The following RPS6KC1 variants were observed in gnomAD, a reference collection of about 807,000 sequenced individuals.
The protein encoded by RPS6KC1 is inactive ribosomal protein S6 kinase delta-1.
In RPS6KC1, 54 loss-of-function variants were observed where a neutral mutation model predicts 103.8. The observed-to-expected ratio is 0.52, with a 90% CI of 0.42 to 0.65. The LOEUF is 0.65. Ranked by LOEUF, RPS6KC1 falls within the 30% of genes least tolerant of loss-of-function variation. The probability of loss-of-function intolerance (pLI) is 0.00; values close to 1 mark genes in which losing one functional copy is unlikely to be tolerated. For missense variants in RPS6KC1, 1,151 were observed against 1,253.8 expected, an observed-to-expected ratio of 0.92 and a Z score of 1.24; for synonymous variants, 439 against 438.7, an observed-to-expected ratio of 1.00 and a Z score of -0.01.
the RPS6KC1 span, among the ~76,000 whole-genome samples, chr1:213,378,655 A>G: frequency 6.6e-6 from 1 of 152,222 alleles, no homozygotes; most frequent in Non-Finnish European, 1.5e-5. Context: ...ACACATATCC[A>G]TATTTTATAT....
At position 213,241,842 on chromosome 1, in the gene RPS6KC1, T is replaced by C. The variant is rs759764646; in HGVS notation, c.2366T>C (p.Met789Thr). The change falls in exon 11 of 15, where the codon ATG (methionine) becomes ACG (threonine). Residue 789 changes from methionine (M) to threonine (T), a missense_variant. Coordinates refer to ENST00000366960, the MANE Select transcript of RPS6KC1 (RefSeq NM_012424.6). ...GTTGATCATAGTAGTTCAGGAGATA[T>C]GTCTTTGTTACCCAGCTCAGATCCT... is the stretch of plus-strand genomic sequence containing the variant. ...AAVDHSSSGDMSLLPSSDPKF... is the reference protein window; with the variant it reads ...AAVDHSSSGDTSLLPSSDPKF... 3.1e-6 allele frequency: 5 copies of C among 1,613,918 alleles called. No individual in the cohort carries two copies. Among genetic ancestry groups the C allele is most frequent in the Non-Finnish European group, 4.2e-6 (5 of 1,179,948 alleles).
At chr1:213,145,628 A>G (rs1433736661) in intron 6 of RPS6KC1, among the ~76,000 whole-genome samples, 1 of 152,150 alleles carries the variant, frequency 6.6e-6, no homozygotes, top group African/African-American at 2.4e-5. Context: ...ATCATGTGGC[A>G]TTAGGTAGAA....
intron 5 of RPS6KC1, among the ~76,000 whole-genome samples, chr1:213,119,500 G>A (rs1471735168): frequency 1.8e-5 from 2 of 111,962 alleles, no homozygotes; most frequent in Non-Finnish European, 3.6e-5. Flanking sequence ...ATATATATAT[G>A]AGAGTATTCA....
the RPS6KC1 span, among the ~76,000 whole-genome samples, chr1:213,805,378 C>T: frequency 1.3e-5 from 2 of 151,586 alleles, no homozygotes; most frequent in Non-Finnish European, 2.9e-5. Context: ...TGCCGCTTTG[C>T]CAACGAAGTT....
At chr1:213,078,358 A>C (rs2079543608) in intron 3 of RPS6KC1, among the ~76,000 whole-genome samples, 1 of 151,814 alleles carries the variant, frequency 6.6e-6, no homozygotes, top group African/African-American at 2.4e-5. Context: ...GGAAGTATAG[A>C]ATATTCATGT....
chr1:213,333,360 A>G, the RPS6KC1 span, among the ~76,000 whole-genome samples: 1 of 152,278 alleles, frequency 6.6e-6, no homozygotes, highest in Middle Eastern at 3.4e-3. Context: ...TTAAGGGAGA[A>G]CCCTGATATA....
the RPS6KC1 span, among the ~76,000 whole-genome samples, chr1:213,673,445 G>A: frequency 9.2e-5 from 14 of 152,304 alleles, no homozygotes; most frequent in South Asian, 1.7e-3. Context: ...TAGAGATACT[G>A]CAGTGGACGT....
chr1:213,523,135 T>C, the RPS6KC1 span, among the ~76,000 whole-genome samples: 63 of 152,274 alleles, frequency 4.1e-4, no homozygotes, highest in African/African-American at 8.2e-4. Context: ...TCAATATTGT[T>C]GTGTTTAGGA....
the RPS6KC1 span, among the ~76,000 whole-genome samples, chr1:213,530,850 C>T: frequency 6.6e-6 from 1 of 152,248 alleles, no homozygotes; most frequent in Non-Finnish European, 1.5e-5. Flanking sequence ...AGGCATGCCT[C>T]ATGTCACCCT....
the RPS6KC1 span, among the ~76,000 whole-genome samples, chr1:213,510,102 T>C: frequency 2.5e-3 from 375 of 152,322 alleles, 1 homozygote; most frequent in African/African-American, 8.5e-3. Flanking sequence ...GACTAATTGC[T>C]GAGGGGATGG....
chr1:213,258,881 T>G (rs2094714142), intron 12 of RPS6KC1, among the ~76,000 whole-genome samples: 1 of 152,190 alleles, frequency 6.6e-6, no homozygotes, highest in Non-Finnish European at 1.5e-5. Context: ...GGTTATGTAT[T>G]TGAATCTGGG....
chr1:213,370,248 ATTTATTTTATTTTAT>A, the RPS6KC1 span, among the ~76,000 whole-genome samples: 7 of 142,086 alleles, frequency 4.9e-5, no homozygotes, highest in African/African-American at 1.7e-4. Context: ...ATTTTATTTT[ATTTATTTTATTTTAT>A]TTTATTTTAT....
At chr1:213,588,224 C>T in the RPS6KC1 span, among the ~76,000 whole-genome samples, 1 of 151,918 alleles carries the variant, frequency 6.6e-6, no homozygotes, top group Non-Finnish European at 1.5e-5. Context: ...CTACAGGCCT[C>T]TTTTATCACG....
chr1:213,594,774 C>G, the RPS6KC1 span, among the ~76,000 whole-genome samples: 1 of 152,188 alleles, frequency 6.6e-6, no homozygotes, highest in Non-Finnish European at 1.5e-5. Context: ...GTAGACTGAA[C>G]TGGGTGCTCT....
chr1:213,406,753 G>T, the RPS6KC1 span, among the ~76,000 whole-genome samples: 1 of 152,194 alleles, frequency 6.6e-6, no homozygotes. Context: ...CTATTGTGAT[G>T]GGGATGACTT....
the RPS6KC1 span, among the ~76,000 whole-genome samples, chr1:213,628,273 T>G: frequency 6.6e-5 from 10 of 152,228 alleles, no homozygotes; most frequent in African/African-American, 2.4e-4. Context: ...TGATGTCCCC[T>G]TTATCATTTT....
chr1:213,254,696 C>G (rs2094604107), intron 12 of RPS6KC1, among the ~76,000 whole-genome samples: 1 of 152,210 alleles, frequency 6.6e-6, no homozygotes, highest in East Asian at 1.9e-4. Context: ...GGCAATACAT[C>G]TGTTTGACTT....
chr1:213,552,365 A>G, the RPS6KC1 span, among the ~76,000 whole-genome samples: 272 of 152,358 alleles, frequency 1.8e-3, 3 homozygotes, highest in Admixed American at 3.8e-3. Flanking sequence ...GTTGCTTCAC[A>G]TCCTTGCCAG....
chr1:213,558,690 A>G, the RPS6KC1 span, among the ~76,000 whole-genome samples: 1 of 152,206 alleles, frequency 6.6e-6, no homozygotes, highest in South Asian at 2.1e-4. Context: ...AAGTTTCTCC[A>G]TACATAGTGG....
Sources: gnomAD v4.1 joint callset for allele counts (sites outside exome capture counted in the v4.1 genomes callset) on GRCh38, gnomAD v4.1.1 for gene constraint, MANE v1.5 for transcripts, NCBI Gene and HGNC (gene_info 2026-07-23, HGNC 2026-07-21) for gene names.